Variants in SMG6 observed in about 807,000 individuals in gnomAD.
SMG6 encodes SMG6 nonsense mediated mRNA decay factor, also known as telomerase-binding protein EST1A.
A neutral mutation model predicts 142.2 loss-of-function variants in SMG6; 66 were observed. The ratio of observed to expected loss-of-function variants is 0.46; its 90% CI spans 0.38 to 0.57. The LOEUF is 0.57. Among genes scored for constraint, SMG6 ranks in the 20% least tolerant of loss-of-function variants. SMG6 has a pLI of 0.00. For missense variants in SMG6, 1,793 were observed against 1,832.0 expected (o/e 0.98, Z 0.39); for synonymous variants, 779 against 702.4 (o/e 1.11, Z -1.72).
chr17:2,207,903 C>T (rs1332767829), intron 10 of SMG6, among the ~76,000 whole-genome samples: 7 of 152,128 alleles, frequency 4.6e-5, no homozygotes, highest in South Asian at 2.1e-4. Context: ...ATAGAACTGA[C>T]CTGCTTCTGC....
intron 6 of SMG6, among the ~76,000 whole-genome samples, chr17:2,286,723 T>C (rs2074913422): frequency 6.6e-6 from 1 of 151,602 alleles, no homozygotes; most frequent in South Asian, 2.1e-4. Context: ...ACATCGAAAG[T>C]GAAAGGAACA....
At chr17:2,078,599 T>A (rs945178753) in intron 15 of SMG6, among the ~76,000 whole-genome samples, 1 of 152,102 alleles carries the variant, frequency 6.6e-6, no homozygotes, top group Non-Finnish European at 1.5e-5. Context: ...CTTGAACTCC[T>A]GACCTCAAGT....
At chr17:2,190,123 TC>T (rs1280599591) in intron 10 of SMG6, among the ~76,000 whole-genome samples, 2 of 152,090 alleles carry the variant, frequency 1.3e-5, no homozygotes, top group African/African-American at 4.8e-5. Context: ...TACCAACTTC[TC>T]CCCTTCACCC....
chr17:2,187,743 TAA>T (rs35269327), intron 11 of SMG6, among the ~76,000 whole-genome samples: 2 of 138,448 alleles, frequency 1.4e-5, no homozygotes, highest in Non-Finnish European at 3.2e-5. Context: ...CTTCTGTCCC[TAA>T]AAAAAAAAAA....
intron 10 of SMG6, among the ~76,000 whole-genome samples, chr17:2,232,028 G>C (rs1348361511): frequency 1.3e-5 from 2 of 151,810 alleles, no homozygotes; most frequent in African/African-American, 4.8e-5. Context: ...TGTGCCTGAA[G>C]TGGTTTTGAT....
chr17:2,067,451 T>C (rs956076729), intron 16 of SMG6, among the ~76,000 whole-genome samples: 7 of 152,080 alleles, frequency 4.6e-5, no homozygotes, highest in African/African-American at 1.4e-4. Flanking sequence ...AGCAAAACAC[T>C]TTCTTTCCCC....
At chr17:2,303,365 AG>A (rs2075329505) in intron 1 of SMG6, 2 of 1,210,396 alleles carry the variant, frequency 1.7e-6, no homozygotes, top group Non-Finnish European at 1.0e-6. Flanking sequence ...CTGGGGCAAA[AG>A]GAACAGTCAC....
intron 10 of SMG6, among the ~76,000 whole-genome samples, chr17:2,228,940 A>AT (rs2073392328): frequency 6.6e-6 from 1 of 152,104 alleles, no homozygotes; most frequent in Non-Finnish European, 1.5e-5. Flanking sequence ...TATCAATGAC[A>AT]TATCTACCTT....
intron 15 of SMG6, among the ~76,000 whole-genome samples, chr17:2,080,743 C>G (rs552746340): frequency 6.6e-6 from 1 of 151,858 alleles, no homozygotes; most frequent in East Asian, 1.9e-4. Flanking sequence ...TCAAGCGATT[C>G]TCTTGCCTCA....
chr17:2,130,039 C>T (rs1368498046), intron 13 of SMG6, among the ~76,000 whole-genome samples: 7 of 151,172 alleles, frequency 4.6e-5, no homozygotes, highest in Non-Finnish European at 8.8e-5. Context: ...GCGAGTGGAT[C>T]ACGAGGTCAG....
At chr17:2,127,943 T>C in intron 13 of SMG6, 1 of 560,442 alleles carries the variant, frequency 1.8e-6, no homozygotes, top group Non-Finnish European at 3.5e-6. Context: ...GACACAATGA[T>C]TTCTGCTTGC....
At chr17:2,126,921 A>AC (rs2069904271) in intron 13 of SMG6, among the ~76,000 whole-genome samples, 4 of 130,174 alleles carry the variant, frequency 3.1e-5, no homozygotes, top group East Asian at 2.2e-4. Flanking sequence ...CACAGACACA[A>AC]ACATACATGC....
intron 10 of SMG6, among the ~76,000 whole-genome samples, chr17:2,189,713 T>C (rs2072100578): frequency 6.6e-6 from 1 of 152,050 alleles, no homozygotes. Flanking sequence ...CCAACCACAG[T>C]GATTCCTTAC....
chr17:2,268,893 C>T (rs1031333700), intron 8 of SMG6, among the ~76,000 whole-genome samples: 1 of 145,830 alleles, frequency 6.9e-6, no homozygotes, highest in Non-Finnish European at 1.5e-5. Context: ...GCCTGGGCGA[C>T]AGAGTTAGAC....
At chr17:2,115,931 T>A (rs1397977133) in intron 13 of SMG6, among the ~76,000 whole-genome samples, 1 of 152,158 alleles carries the variant, frequency 6.6e-6, no homozygotes, top group Non-Finnish European at 1.5e-5. Flanking sequence ...GGTCTTGAAC[T>A]CATGGATGGA....
chr17:2,091,739 C>G (rs149368524), intron 13 of SMG6, among the ~76,000 whole-genome samples: 2 of 150,528 alleles, frequency 1.3e-5, no homozygotes, highest in African/African-American at 4.9e-5. Context: ...GGTGCGATCT[C>G]GGCTCACTGC....
intron 16 of SMG6, 74 bp from the exon 17 acceptor site, chr17:2,065,753 TC>T: frequency 1.5e-6 from 2 of 1,299,508 alleles, no homozygotes; most frequent in Non-Finnish European, 2.2e-6. Flanking sequence ...CCATTCACTT[TC>T]CCAGCCAACA....
intron 15 of SMG6, among the ~76,000 whole-genome samples, chr17:2,075,642 A>G (rs2068237432): frequency 6.6e-6 from 1 of 152,234 alleles, no homozygotes; most frequent in African/African-American, 2.4e-5. Flanking sequence ...TTAGGAATCA[A>G]ACACTTCTGA....
chr17:2,241,843 T>C lies in SMG6; in HGVS notation c.2723+2815A>G, dbSNP rs534029181. On this transcript the variant is annotated intron_variant, in intron 9 of 18. Transcript: ENST00000263073. Reference sequence around the variant, plus strand: ...ATATATCCTAAATGTTCCTACATTCTGCACCAAGATTTATAACTTTTTTAT... The same window carrying C: ...ATATATCCTAAATGTTCCTACATTCCGCACCAAGATTTATAACTTTTTTAT... Among the ~76,000 whole-genome samples, 10 of 152,382 alleles carry C rather than the reference T, an allele frequency of 6.6e-5. No individual in the cohort carries two copies. The East Asian group carries it at 1.7e-3, about 26-fold the overall frequency.
Sources: gnomAD v4.1 joint callset for allele counts (sites outside exome capture counted in the v4.1 genomes callset) on GRCh38, gnomAD v4.1.1 for gene constraint, MANE v1.5 for transcripts, NCBI Gene and HGNC (gene_info 2026-07-23, HGNC 2026-07-21) for gene names.